Variants in DAG1 observed in about 807,000 individuals in gnomAD.
DAG1 encodes dystroglycan 1 (dystrophin-associated glycoprotein 1).
In DAG1, 8 loss-of-function variants were observed where a neutral mutation model predicts 46.1. The observed-to-expected ratio is 0.17, with a 90% CI of 0.10 to 0.31. The LOEUF (loss-of-function observed/expected upper bound fraction) is 0.31, where lower values mean the gene tolerates loss of function less well. DAG1 is among the 10% of genes least tolerant of loss of function. DAG1 has a pLI of 1.00. For missense variants in DAG1, 1,003 were observed against 1,189.9 expected (o/e 0.84, Z 2.31); for synonymous variants, 495 against 481.8 (o/e 1.03, Z -0.36).
intron 1 of DAG1, among the ~76,000 whole-genome samples, chr3:49,485,065 C>T (rs2049987329): frequency 1.3e-5 from 2 of 152,180 alleles, no homozygotes; most frequent in Non-Finnish European, 2.9e-5. Flanking sequence ...CGGCTCACTG[C>T]AAGCTCCGCC....
At chr3:49,475,878 A>G (rs1174301857) in intron 1 of DAG1, among the ~76,000 whole-genome samples, 2 of 151,502 alleles carry the variant, frequency 1.3e-5, no homozygotes, top group East Asian at 3.9e-4. Flanking sequence ...TAATATATGT[A>G]TATATATATT....
intron 2 of DAG1, among the ~76,000 whole-genome samples, chr3:49,521,859 T>C (rs1425260072): frequency 6.6e-6 from 1 of 151,738 alleles, no homozygotes; most frequent in African/African-American, 2.4e-5. Context: ...GACCTTTGTT[T>C]TTTTTTTTGA....
At chr3:49,473,891 T>G (rs1388151388) in intron 1 of DAG1, among the ~76,000 whole-genome samples, 1 of 151,222 alleles carries the variant, frequency 6.6e-6, no homozygotes, top group African/African-American at 2.4e-5. Context: ...GCCTTTTTTT[T>G]TTTTTCTTCT....
intron 2 of DAG1, among the ~76,000 whole-genome samples, chr3:49,515,240 G>A (rs2050866066): frequency 6.6e-6 from 1 of 151,528 alleles, no homozygotes; most frequent in African/African-American, 2.4e-5. Context: ...AACGTGCTGG[G>A]ATTACAGGAA....
At chr3:49,518,530 T>C (rs7633271) in intron 2 of DAG1, among the ~76,000 whole-genome samples, 43,355 of 152,076 alleles carry the variant, frequency 0.29, 6,708 homozygotes, top group Middle Eastern at 0.31. Context: ...GTGTATACTT[T>C]ACACGTCAGT....
intron 1 of DAG1, among the ~76,000 whole-genome samples, chr3:49,485,153 A>C (rs1368481906): frequency 6.6e-6 from 1 of 151,520 alleles, no homozygotes; most frequent in African/African-American, 2.4e-5. Context: ...CGCCTGGCTA[A>C]TTTTTTTGTA....
chr3:49,496,353 CTTTTTTTTTTT>C lies in DAG1; in HGVS notation c.-116-14054_-116-14044del, dbSNP rs752449720. Reference sequence around the variant, plus strand: ...CTTGGCCAATTTTTTAAATTTTTAACTTTTTTTTTTTTTTTTTTTTTTGAGATGGAGTCTCA... The same window carrying C: ...CTTGGCCAATTTTTTAAATTTTTAACTTTTTTTTTTTGAGATGGAGTCTCA... On this transcript the variant is annotated intron_variant, in intron 1 of 2. Transcript: ENST00000308775. Among the ~76,000 whole-genome samples the C allele has an allele frequency of 4.8e-5, 4 of 84,130 alleles. No homozygotes were observed. The East Asian group carries it at 1.8e-3, about 37-fold the overall frequency. 55.2% of individuals were successfully genotyped at this position (84,130 alleles called of 152,430 possible).
At chr3:49,478,049 T>C (rs2049733682) in intron 1 of DAG1, among the ~76,000 whole-genome samples, 1 of 148,980 alleles carries the variant, frequency 6.7e-6, no homozygotes, top group Non-Finnish European at 1.5e-5. Flanking sequence ...GGTACATCAT[T>C]TTAGGTCAGG....
chr3:49,532,466 G>T lies in DAG1; in HGVS notation c.1955G>T (p.Arg652Leu), dbSNP rs368810294. The T allele has an allele frequency of 6.2e-7, 1 of 1,614,198 alleles. No homozygotes were observed. The change falls in exon 3 of 3, where the codon CGG becomes CTG. Residue 652 changes from arginine (R) to leucine (L), a missense_variant. Around this residue, in one of 3 missense-constraint regions of DAG1, gnomAD observed 755 missense variants for 854.1 expected, o/e 0.88. Transcript: ENST00000308775. The surrounding 1 kb of genome is among the most constrained non-coding windows in gnomAD (Gnocchi z 5.4). The part of the protein sequence containing the change: ...CSTITLQNIT[R>L]GSIVVEWTNN... ...ACCATCACCCTGCAGAATATCACCC[G>T]GGGCTCCATCGTGGTGGAATGGACC...
intron 2 of DAG1, among the ~76,000 whole-genome samples, chr3:49,522,762 C>T (rs1405166290): frequency 6.6e-6 from 1 of 152,226 alleles, no homozygotes; most frequent in African/African-American, 2.4e-5. Context: ...CTCAGAAGCA[C>T]ATCGTCTCTA....
intron 2 of DAG1, among the ~76,000 whole-genome samples, chr3:49,515,131 G>A (rs2050863456): frequency 6.6e-6 from 1 of 151,980 alleles, no homozygotes; most frequent in Admixed American, 6.6e-5. Flanking sequence ...ACCTTGCCCA[G>A]CCCACGTTTT....
intron 1 of DAG1, among the ~76,000 whole-genome samples, chr3:49,485,403 C>G (rs1207694117): frequency 6.6e-6 from 1 of 152,102 alleles, no homozygotes; most frequent in Non-Finnish European, 1.5e-5. Flanking sequence ...ACCCTGAAAC[C>G]GTGGCCTGAG....
In DAG1 at chr3:49,535,264, G is replaced by A. The variant is rs2051479965; in HGVS notation, c.*2065G>A. ...ATAAACAATTCCCAATGTTCCAGGT[G>A]AGGGCTTTGAAAGGCCTTCCAAACA... On this transcript the variant is annotated 3_prime_UTR_variant, in exon 3 of 3. Transcript: ENST00000308775. The A allele has an allele frequency of 6.6e-6, 1 of 152,612 alleles. No individual in the cohort carries two copies. The highest frequency in any genetic ancestry group is 1.5e-5 in the Non-Finnish European group (1 of 68,050). The allele number at this position is 152,612 out of a possible 1,614,324, so 9.5% of individuals were successfully genotyped here.
intron 2 of DAG1, among the ~76,000 whole-genome samples, chr3:49,517,854 C>G (rs952570285): frequency 6.6e-6 from 1 of 152,158 alleles, no homozygotes; most frequent in African/African-American, 2.4e-5. Flanking sequence ...AGAGGTGGAG[C>G]AACAACGGTA....
At chr3:49,528,398 C>T (rs182762634) in intron 2 of DAG1, among the ~76,000 whole-genome samples, 1 of 144,256 alleles carries the variant, frequency 6.9e-6, no homozygotes, top group Admixed American at 7.3e-5. Context: ...CATTCTTGTG[C>T]ATCAGCCTCC....
intron 1 of DAG1, among the ~76,000 whole-genome samples, chr3:49,491,817 C>T (rs1314893984): frequency 6.6e-6 from 1 of 152,094 alleles, no homozygotes; most frequent in Admixed American, 6.5e-5. Flanking sequence ...CGGGGTTTCG[C>T]CACATTGGCC....
chr3:49,484,247 T>C (rs181413460), intron 1 of DAG1, among the ~76,000 whole-genome samples: 1 of 152,248 alleles, frequency 6.6e-6, no homozygotes, highest in Admixed American at 6.5e-5. Flanking sequence ...GGATGTGCTT[T>C]TTCCAATTTT....
chr3:49,486,794 C>T (rs563540245), intron 1 of DAG1, among the ~76,000 whole-genome samples: 3 of 152,334 alleles, frequency 2.0e-5, no homozygotes, highest in African/African-American at 7.2e-5. Context: ...TGAGACACTG[C>T]GCTCAGCCTG....
intron 1 of DAG1, among the ~76,000 whole-genome samples, chr3:49,504,083 C>G (rs931869895): frequency 1.3e-5 from 2 of 152,104 alleles, no homozygotes; most frequent in African/African-American, 2.4e-5. Flanking sequence ...AGGTACAGAA[C>G]ATTTCCATTG....
Sources: gnomAD v4.1 joint callset for allele counts (sites outside exome capture counted in the v4.1 genomes callset) on GRCh38, gnomAD v4.1.1 for gene constraint, gnomAD v4.1.1 regional missense constraint, Gnocchi (gnomAD v3.1) non-coding constraint, MANE v1.5 for transcripts, NCBI Gene and HGNC (gene_info 2026-07-23, HGNC 2026-07-21) for gene names.